The following VPS13B variants were observed in gnomAD, a reference collection of about 807,000 sequenced individuals.
VPS13B encodes the protein vacuolar protein sorting 13 homolog B, also known as intermembrane lipid transfer protein VPS13B.
Under a neutral mutation model 426.4 loss-of-function variants are expected in VPS13B, and 285 were observed. That is an observed-to-expected ratio of 0.67 (90% CI 0.61 to 0.74). VPS13B has a LOEUF of 0.74. Among genes scored for constraint, VPS13B ranks in the 30% least tolerant of loss-of-function variants. The pLI is 0.00. For synonymous variants in VPS13B, 1,676 were observed against 1,676.4 expected (o/e 1.00, Z 0.01); for missense variants, 4,537 against 4,782.6 (o/e 0.95, Z 1.51).
At chr8:99,744,571 A>C (rs1809965579) in intron 39 of VPS13B, among the ~76,000 whole-genome samples, 1 of 152,218 alleles carries the variant, frequency 6.6e-6, no homozygotes, top group Non-Finnish European at 1.5e-5. Flanking sequence ...GAACCAACCC[A>C]GATGTCCAAC....
chr8:99,381,599 TATCTGGTGTGAGATGGC>T (rs2133288547), intron 19 of VPS13B, among the ~76,000 whole-genome samples: 1 of 152,326 alleles, frequency 6.6e-6, no homozygotes, highest in Non-Finnish European at 1.5e-5. Context: ...ATAGCTGTTC[TATCTGGTGTGAGATGGC>T]ATCTCATTGT....
chr8:99,379,747 A>T (rs1416858149), intron 19 of VPS13B, among the ~76,000 whole-genome samples: 1 of 152,028 alleles, frequency 6.6e-6, no homozygotes, highest in African/African-American at 2.4e-5. Flanking sequence ...CGTGTAATTC[A>T]CTTTTCTTTT....
At chr8:99,502,529 C>T (rs1384120070) in intron 26 of VPS13B, among the ~76,000 whole-genome samples, 3 of 152,074 alleles carry the variant, frequency 2.0e-5, no homozygotes, top group Admixed American at 1.3e-4. Context: ...TCTAAAAGAC[C>T]ATGAGGAATT....
chr8:99,158,458 G>T (rs779217171), intron 15 of VPS13B, among the ~76,000 whole-genome samples: 8 of 152,070 alleles, frequency 5.3e-5, no homozygotes, highest in Non-Finnish European at 1.0e-4. Context: ...GCCTGAACCC[G>T]GGAGGCAGAG....
At chr8:99,360,190 C>CTT (rs1161185070) in intron 19 of VPS13B, among the ~76,000 whole-genome samples, 304 of 26,906 alleles carry the variant, frequency 0.011, 2 homozygotes, top group Admixed American at 0.026. Flanking sequence ...TTCTTTCTTT[C>CTT]TCTCTCTCTC....
chr8:99,080,656 T>G (rs769415816), intron 3 of VPS13B, among the ~76,000 whole-genome samples: 18 of 152,256 alleles, frequency 1.2e-4, no homozygotes, highest in Non-Finnish European at 1.9e-4. Context: ...TACTTTATAT[T>G]TTGTGTTTGT....
At chr8:99,217,891 T>A (rs2132817644) in intron 17 of VPS13B, among the ~76,000 whole-genome samples, 1 of 152,334 alleles carries the variant, frequency 6.6e-6, no homozygotes, top group East Asian at 1.9e-4. Flanking sequence ...CAATAGAGAT[T>A]TCATGGCTCA....
chr8:99,770,220 C>T (rs1811414437), intron 40 of VPS13B, among the ~76,000 whole-genome samples: 1 of 152,080 alleles, frequency 6.6e-6, no homozygotes, highest in Non-Finnish European at 1.5e-5. Context: ...TTTGCTTGAT[C>T]ATATTATGGT....
chr8:99,077,233 C>T (rs920954092), intron 3 of VPS13B, among the ~76,000 whole-genome samples: 4 of 151,856 alleles, frequency 2.6e-5, no homozygotes, highest in African/African-American at 9.7e-5. Flanking sequence ...AGTGCAATGG[C>T]GCGATCTCAG....
At chr8:99,726,857 T>G (rs1303529845) in intron 39 of VPS13B, among the ~76,000 whole-genome samples, 2 of 152,172 alleles carry the variant, frequency 1.3e-5, no homozygotes, top group African/African-American at 4.8e-5. Context: ...AAAATTCTAT[T>G]ATTTATAAGT....
intron 17 of VPS13B, among the ~76,000 whole-genome samples, chr8:99,197,716 A>G (rs573795601): frequency 1.8e-4 from 27 of 152,074 alleles, no homozygotes; most frequent in Middle Eastern, 3.4e-3. Flanking sequence ...TGAAGGGTTT[A>G]TCTTGTCAAA....
chr8:99,596,506 G>T (rs144495013), intron 33 of VPS13B, among the ~76,000 whole-genome samples: 1 of 152,094 alleles, frequency 6.6e-6, no homozygotes, highest in East Asian at 1.9e-4. Flanking sequence ...CAGAGACCCT[G>T]TCTCCTCTCT....
chr8:99,872,732 G>A (rs1166668238), intron 61 of VPS13B, among the ~76,000 whole-genome samples: 1 of 152,172 alleles, frequency 6.6e-6, no homozygotes, highest in African/African-American at 2.4e-5. Flanking sequence ...GGACTGAGTG[G>A]CCCCAGCAAA....
intron 15 of VPS13B, among the ~76,000 whole-genome samples, chr8:99,164,901 T>A (rs917713591): frequency 1.3e-5 from 2 of 152,304 alleles, no homozygotes; most frequent in African/African-American, 2.4e-5. Flanking sequence ...TTCTGCTGCC[T>A]CTGCCAGCTG....
Position 99,276,381 on chromosome 8 carries a change from A to G in VPS13B, c.2824+1127A>G, listed in dbSNP as rs559710009. Among the ~76,000 whole-genome samples, 206 of 152,286 alleles carry G rather than the reference A, an allele frequency of 1.4e-3. 1 individual carries two copies. The highest frequency in any genetic ancestry group is 2.2e-3 in the Admixed American group (33 of 15,298). ...ATGGGTACAGAACCATAAAGAATGAATGATCAGAGGATGGCTCCAGATCCA... is the reference window on the plus strand; with the variant it reads ...ATGGGTACAGAACCATAAAGAATGAGTGATCAGAGGATGGCTCCAGATCCA... On this transcript the variant is annotated intron_variant, in intron 19 of 61. Coordinates refer to ENST00000357162, the MANE Select transcript of VPS13B (RefSeq NM_152564.5).
At chr8:99,397,258 G>T (rs559932152) in intron 21 of VPS13B, among the ~76,000 whole-genome samples, 16 of 152,258 alleles carry the variant, frequency 1.1e-4, no homozygotes, top group Admixed American at 6.5e-5. Context: ...AGATTCTCCT[G>T]CCTCAGCCTC....
intron 2 of VPS13B, among the ~76,000 whole-genome samples, chr8:99,025,842 G>C (rs1266232944): frequency 6.6e-6 from 1 of 152,076 alleles, no homozygotes; most frequent in Non-Finnish European, 1.5e-5. Context: ...ATTTATTGGT[G>C]AATACTTGTT....
chr8:99,519,732 G>A (rs533638276), intron 29 of VPS13B, among the ~76,000 whole-genome samples: 16 of 149,170 alleles, frequency 1.1e-4, no homozygotes, highest in East Asian at 4.0e-4. Flanking sequence ...GTTCTCACTC[G>A]TAGGTGGGAA....
chr8:99,515,175 C>T (rs1157773203), intron 29 of VPS13B, among the ~76,000 whole-genome samples: 1 of 152,150 alleles, frequency 6.6e-6, no homozygotes, highest in Non-Finnish European at 1.5e-5. Context: ...AAAAGAACAA[C>T]TTTATTTTCT....
Sources: gnomAD v4.1 joint callset for allele counts (sites outside exome capture counted in the v4.1 genomes callset) on GRCh38, gnomAD v4.1.1 for gene constraint, MANE v1.5 for transcripts, NCBI Gene and HGNC (gene_info 2026-07-23, HGNC 2026-07-21) for gene names.